Variants in SBK2 observed in about 807,000 individuals in gnomAD.
The protein encoded by SBK2 is SH3 domain binding kinase family member 2.
Under a neutral mutation model 15.9 loss-of-function variants are expected in SBK2, and 18 were observed. The observed-to-expected ratio is 1.13, with a 90% CI of 0.78 to 1.68. SBK2 has a LOEUF of 1.68. Among genes scored for constraint, SBK2 ranks in the 40% most tolerant of loss-of-function variants. The pLI is 0.00. For synonymous variants in SBK2, 284 were observed against 246.8 expected (o/e 1.15, Z -1.41); for missense variants, 581 against 510.9 (o/e 1.14, Z -1.32).
chr19:55,536,174 C>G lies in SBK2; in HGVS notation c.121G>C (p.Ala41Pro), dbSNP rs752125711. 1 of 1,606,928 alleles carries G rather than the reference C, an allele frequency of 6.2e-7. No homozygotes were observed. The highest frequency in any genetic ancestry group is 1.1e-5 in the South Asian group (1 of 89,704). Residue 41 changes from alanine (A) to proline (P), a missense_variant, in exon 2 of 4, where the codon GCG (alanine) becomes CCG (proline). Ala to Pro is a conservative substitution (Grantham distance 27, BLOSUM62 -1). Transcript: ENST00000413299. ...CTCAGCGTCATCATGTCCTCCAGCG[C>G]GCGGGCAGCCTCCTGGCCCTGCTGG... ...ELQQGQEAAR[A>P]LEDMMTLSAQ...
In SBK2 at chr19:55,529,033, C is replaced by T. The variant is rs1406156977; in HGVS notation, c.*700G>A. ...GCGGGAGGCCGAGGTGGGAGACTCG[C>T]TCCAGGCCAGGAATTTGAGACTAGC... On this transcript the variant is annotated 3_prime_UTR_variant, in exon 4 of 4. Coordinates refer to ENST00000413299, the MANE Select transcript of SBK2 (RefSeq NM_001370096.2). Among the ~76,000 whole-genome samples, 2 of 152,216 alleles carry T rather than the reference C, an allele frequency of 1.3e-5. No individual in the cohort carries two copies. The highest frequency in any genetic ancestry group is 2.1e-4 in the South Asian group (1 of 4,834).
chr19:55,534,702 C>G (rs1229225793), intron 2 of SBK2, among the ~76,000 whole-genome samples: 1 of 21,408 alleles, frequency 4.7e-5, no homozygotes, highest in Non-Finnish European at 7.4e-5. Flanking sequence ...GAGACCCTGT[C>G]TCAAAAAAAA....
At position 55,529,915 on chromosome 19, in the gene SBK2, G is replaced by A. The variant is rs781195404; in HGVS notation, c.865C>T (p.Arg289Cys). The change falls in exon 4 of 4, where the codon CGC (arginine) becomes TGC (cysteine). Residue 289 changes from arginine (R) to cysteine (C), a missense_variant. Physicochemically the swap from Arg to Cys is radical, Grantham distance 180 (BLOSUM62 -3). Coordinates refer to ENST00000413299, the MANE Select transcript of SBK2 (RefSeq NM_001370096.2). ...GCCAGGCCGAACCAGGGCTGAGGGC[G>A]GTCCCGGGGCTGGCCCGACGCCTGC... ...IWQASGQPRD[R>C]PQPWFGLAAA... The A allele has an allele frequency of 4.4e-5, 68 of 1,543,548 alleles. No individual in the cohort carries two copies. The highest frequency in any genetic ancestry group is 2.0e-4 in the Admixed American group (10 of 49,732).
Position 55,531,288 on chromosome 19 carries a change from A to G in SBK2, c.311T>C (p.Leu104Pro), listed in dbSNP as rs1194545230. The change falls in exon 3 of 4, where the codon CTG (leucine) becomes CCG (proline). Residue 104 changes from leucine (L) to proline (P), a missense_variant. By Grantham distance (98) the Leu-to-Pro change is moderately conservative. Transcript: ENST00000413299. The part of the protein sequence containing the change: ...PKPRTSLRGF[L>P]YEFCVGLSLG... The stretch of plus-strand genomic sequence containing the variant: ...CGAGAGCCCCACACAGAACTCGTAC[A>G]GGAAGCCACGGAGGGACGTGCGGGG... The G allele has an allele frequency of 3.1e-6, 5 of 1,613,630 alleles. No individual in the cohort carries two copies. Among genetic ancestry groups the G allele is most frequent in the Non-Finnish European group, 4.2e-6 (5 of 1,179,880 alleles).
At chr19:55,533,246 G>A (rs558317051) in intron 2 of SBK2, among the ~76,000 whole-genome samples, 3 of 151,846 alleles carry the variant, frequency 2.0e-5, no homozygotes, top group African/African-American at 4.8e-5. Context: ...CAGGAGAATT[G>A]CTTGAACCCA....
rs776836513 is a variant in SBK2 at position 55,536,041 on chromosome 19, C to T, written c.253+1G>A. ...CCACCTCTGGCCCCACAGCCTCGTA[C>T]CTTTCTGACGATGGGTGACCAGAAG... On this transcript the variant is annotated splice_donor_variant, in intron 2 of 3. Transcript: ENST00000413299. LOFTEE classifies it high-confidence loss of function. 4.1e-6 allele frequency: 6 copies of T among 1,468,936 alleles called. No individual in the cohort carries two copies. The highest frequency in any genetic ancestry group is 5.4e-6 in the Non-Finnish European group (6 of 1,103,198). 91.0% of individuals were successfully genotyped at this position (1,468,936 alleles called of 1,614,324 possible).
rs1404402530 is a variant in SBK2 at position 55,529,138 on chromosome 19, T to A, written c.*595A>T. 6.6e-6 allele frequency among the ~76,000 whole-genome samples: 1 copy of A among 152,108 alleles called. No individual in the cohort carries two copies. Among genetic ancestry groups the A allele is most frequent in the Admixed American group, 6.5e-5 (1 of 15,282 alleles). ...AGCCTAGCGTGGTGGCGCATGCCTGTAGTCCCAGCTACTCAGGAGGCTGAG... is the reference window on the plus strand; with the variant it reads ...AGCCTAGCGTGGTGGCGCATGCCTGAAGTCCCAGCTACTCAGGAGGCTGAG... On this transcript the variant is annotated 3_prime_UTR_variant, in exon 4 of 4. Transcript: ENST00000413299.
In SBK2 at chr19:55,531,276, C is replaced by A. The variant is rs1349482057; in HGVS notation, c.323G>T (p.Cys108Phe). 1 of 1,613,712 alleles carries A rather than the reference C, an allele frequency of 6.2e-7. No individual in the cohort carries two copies. The highest frequency in any genetic ancestry group is 1.1e-5 in the South Asian group (1 of 91,060). The change falls in exon 3 of 4, where the codon TGT (cysteine) becomes TTT (phenylalanine). Residue 108 changes from cysteine to phenylalanine, a missense_variant. Physicochemically the swap from Cys to Phe is radical, Grantham distance 205 (BLOSUM62 -2). Coordinates refer to ENST00000413299, the MANE Select transcript of SBK2 (RefSeq NM_001370096.2). ...GTGCGCGCCCAGCGAGAGCCCCACA[C>A]AGAACTCGTACAGGAAGCCACGGAG... ...TSLRGFLYEF[C>F]VGLSLGAHSA...
rs1466003822 is a variant in SBK2, at chr19:55,529,890, G to T, written c.890C>A (p.Ala297Asp). 1 of 1,578,068 alleles carries T rather than the reference G, an allele frequency of 6.3e-7. No homozygotes were observed. ...RDRPQPWFGL[A>D]AAADALLRGL... ...CCGCAGAAGCGCGTCGGCCGCGGCG[G>T]CCAGGCCGAACCAGGGCTGAGGGCG... Residue 297 changes from alanine (A) to aspartate (D), a missense_variant, in exon 4 of 4, where the codon GCC (alanine) becomes GAC (aspartate). Ala to Asp is a moderately radical substitution (Grantham distance 126, BLOSUM62 -2). Coordinates refer to ENST00000413299, the MANE Select transcript of SBK2 (RefSeq NM_001370096.2).
intron 2 of SBK2, among the ~76,000 whole-genome samples, chr19:55,531,559 C>A (rs1332615408): frequency 6.6e-6 from 1 of 152,252 alleles, no homozygotes; most frequent in Non-Finnish European, 1.5e-5. Flanking sequence ...TTATAGCACG[C>A]TGGGGACCAG....
chr19:55,535,776 T>A (rs1450022823), intron 2 of SBK2, among the ~76,000 whole-genome samples: 1 of 152,112 alleles, frequency 6.6e-6, no homozygotes, highest in Non-Finnish European at 1.5e-5. Flanking sequence ...CCTAGCTACA[T>A]GGGAGGCTGA....
chr19:55,533,980 G>T (rs1275815310), intron 2 of SBK2, among the ~76,000 whole-genome samples: 1 of 152,180 alleles, frequency 6.6e-6, no homozygotes, highest in Non-Finnish European at 1.5e-5. Flanking sequence ...GGCCTCATTG[G>T]CAATGCCCCC....
chr19:55,533,659 CAAAAAAAAAAAAAAAAAAAAA>C (rs71181785), intron 2 of SBK2, among the ~76,000 whole-genome samples: 4 of 33,896 alleles, frequency 1.2e-4, no homozygotes, highest in Admixed American at 4.3e-4. Flanking sequence ...GACTCCGTCT[CAAAAAAAAAAAAAAAAAAAAA>C]AAAAAAAAAA....
chr19:55,530,219 C>T lies in SBK2; in HGVS notation c.561G>A (p.Glu187=). 1 of 1,535,466 alleles carries T rather than the reference C, an allele frequency of 6.5e-7. No individual in the cohort carries two copies. Among genetic ancestry groups the T allele is most frequent in the Non-Finnish European group, 8.8e-7 (1 of 1,140,946 alleles). Residue 187 remains glutamate (E), a synonymous_variant, in exon 4 of 4, where the codon GAG becomes GAA. Transcript: ENST00000413299. ...RGLVYRDLKP[E]NVLVCDPACR... ...AGGCCGGGTCGCACACCAGGACGTT[C>T]TCCGGCTTCAGGTCCCGGTACACCA...
intron 1 of SBK2, among the ~76,000 whole-genome samples, chr19:55,536,665 G>A (rs1035934295): frequency 3.9e-5 from 6 of 152,096 alleles, no homozygotes; most frequent in Admixed American, 1.3e-4. Flanking sequence ...CTGGGAGGGC[G>A]GGCTGTGCAG....
At chr19:55,531,785 C>G (rs932485164) in intron 2 of SBK2, among the ~76,000 whole-genome samples, 1 of 152,136 alleles carries the variant, frequency 6.6e-6, no homozygotes, top group African/African-American at 2.4e-5. Flanking sequence ...CAAGACCAGC[C>G]TGGTCAATAT....
rs749649082 is a variant in SBK2 at position 55,531,283 on chromosome 19, C to T, written c.316G>A (p.Glu106Lys). 3 of 1,613,650 alleles carry T rather than the reference C, an allele frequency of 1.9e-6. No individual in the cohort carries two copies. The highest frequency in any genetic ancestry group is 1.3e-5 in the African/African-American group (1 of 75,036). Reference sequence around the variant, plus strand: ...CCCAGCGAGAGCCCCACACAGAACTCGTACAGGAAGCCACGGAGGGACGTG... The same window carrying T: ...CCCAGCGAGAGCCCCACACAGAACTTGTACAGGAAGCCACGGAGGGACGTG... ...PRTSLRGFLY[E>K]FCVGLSLGAH... The change falls in exon 3 of 4, where the codon GAG becomes AAG. Residue 106 changes from glutamate (E) to lysine (K), a missense_variant. Transcript: ENST00000413299.
chr19:55,532,703 C>T (rs1034834902), intron 2 of SBK2, among the ~76,000 whole-genome samples: 3 of 151,206 alleles, frequency 2.0e-5, no homozygotes, highest in South Asian at 2.1e-4. Context: ...CGGGCTCAAG[C>T]GATTCTCCTG....
rs1458297601 is a variant in SBK2 at position 55,528,837 on chromosome 19, T to A, written c.*896A>T. Among the ~76,000 whole-genome samples the A allele has an allele frequency of 6.6e-6, 1 of 152,194 alleles. No homozygotes were observed. Among genetic ancestry groups the A allele is most frequent in the Non-Finnish European group, 1.5e-5 (1 of 68,040 alleles). ...AGGCCATCGCTGAGTACATGGGGTC[T>A]GTCAGCAGACGGAAGGCGGCAAAGA... On this transcript the variant is annotated 3_prime_UTR_variant, in exon 4 of 4. Transcript: ENST00000413299.
Sources: gnomAD v4.1 joint callset for allele counts (sites outside exome capture counted in the v4.1 genomes callset) on GRCh38, gnomAD v4.1.1 for gene constraint, MANE v1.5 for transcripts, NCBI Gene and HGNC (gene_info 2026-07-23, HGNC 2026-07-21) for gene names.